The following CDH18 variants were observed in gnomAD, a reference collection of about 807,000 sequenced individuals.
The protein encoded by CDH18 is cadherin-18.
Under a neutral mutation model 67.9 loss-of-function variants are expected in CDH18, and 31 were observed. The observed-to-expected ratio is 0.46, with a 90% CI of 0.34 to 0.62. The LOEUF (loss-of-function observed/expected upper bound fraction) is 0.62, where lower values mean the gene tolerates loss of function less well. Among genes scored for constraint, CDH18 ranks in the 20% least tolerant of loss-of-function variants. CDH18 has a pLI of 0.01. For missense variants in CDH18, 890 were observed against 975.5 expected (o/e 0.91, Z 1.17); for synonymous variants, 362 against 347.2 (o/e 1.04, Z -0.48).
At chr5:20,516,546 G>A (rs1393149954) in intron 1 of CDH18, among the ~76,000 whole-genome samples, 3 of 151,862 alleles carry the variant, frequency 2.0e-5, no homozygotes, top group African/African-American at 7.2e-5. Context: ...TATAAAATAA[G>A]GAAGTTTCAG....
intron 2 of CDH18, among the ~76,000 whole-genome samples, chr5:20,025,438 A>G (rs1039562144): frequency 6.6e-6 from 1 of 152,204 alleles, no homozygotes; most frequent in Admixed American, 6.5e-5. Context: ...CAGTATTTCC[A>G]ATAATTCTAC....
chr5:20,139,319 A>G lies in CDH18; in HGVS notation c.-518+116125T>C, dbSNP rs190068832. On this transcript the variant is annotated intron_variant, in intron 2 of 14. Coordinates refer to the CDH18 transcript ENST00000507958. ...ACACCTTATATAAAAATTAATTCAA[A>G]ATGGATTAAAGACTTAAATGTTAGA... Among the ~76,000 whole-genome samples, 1,237 of 152,130 alleles carry G rather than the reference A, an allele frequency of 8.1e-3. 12 individuals are homozygous for G. The highest frequency in any genetic ancestry group is 0.014 in the Non-Finnish European group (932 of 67,962).
At chr5:20,485,861 T>C (rs114823863) in intron 1 of CDH18, among the ~76,000 whole-genome samples, 2 of 152,200 alleles carry the variant, frequency 1.3e-5, no homozygotes, top group African/African-American at 4.8e-5. Flanking sequence ...ATATATGATG[T>C]ATATGAGCAT....
chr5:20,310,918 T>C (rs1736922785), intron 1 of CDH18, among the ~76,000 whole-genome samples: 1 of 152,184 alleles, frequency 6.6e-6, no homozygotes, highest in Admixed American at 6.5e-5. Flanking sequence ...TGCAACTTTA[T>C]CTATAAATTC....
chr5:19,885,191 ACTAT>A (rs1267897903), intron 2 of CDH18, among the ~76,000 whole-genome samples: 2 of 152,132 alleles, frequency 1.3e-5, no homozygotes, highest in Non-Finnish European at 2.9e-5. Flanking sequence ...TCTATCTTTG[ACTAT>A]CTCTCTGGCT....
intron 1 of CDH18, among the ~76,000 whole-genome samples, chr5:20,520,771 G>A (rs1453020049): frequency 1.3e-5 from 2 of 152,144 alleles, no homozygotes; most frequent in Non-Finnish European, 2.9e-5. Flanking sequence ...AATTTGAGGT[G>A]CCTACTGGCA....
chr5:19,505,240 A>G (rs1254453016), intron 10 of CDH18, among the ~76,000 whole-genome samples: 1 of 152,088 alleles, frequency 6.6e-6, no homozygotes, highest in Non-Finnish European at 1.5e-5. Context: ...GGTTTTCTAG[A>G]TATACAATTA....
intron 4 of CDH18, among the ~76,000 whole-genome samples, chr5:19,726,843 G>A (rs973460929): frequency 1.3e-5 from 2 of 152,092 alleles, no homozygotes; most frequent in African/African-American, 2.4e-5. Context: ...TTTGAGGGTA[G>A]GGTTTTTGCA....
chr5:20,165,725 T>C (rs1736232156), intron 2 of CDH18, among the ~76,000 whole-genome samples: 1 of 152,196 alleles, frequency 6.6e-6, no homozygotes, highest in Admixed American at 6.6e-5. Flanking sequence ...TATTTTGTTT[T>C]ATTTATTTTT....
intron 7 of CDH18, among the ~76,000 whole-genome samples, chr5:19,590,519 CAGAT>C (rs375948507): frequency 2.0e-4 from 22 of 108,724 alleles, no homozygotes; most frequent in Middle Eastern, 5.6e-3. Flanking sequence ...GACAGACAGA[CAGAT>C]AGATAGATAG....
intron 1 of CDH18, among the ~76,000 whole-genome samples, chr5:20,450,154 A>G (rs1456854230): frequency 1.3e-5 from 2 of 152,106 alleles, no homozygotes. Flanking sequence ...CCTAGCCAAC[A>G]TAATGAAACC....
Position 20,311,805 on chromosome 5 carries a change from T to A in CDH18, c.-579-56300A>T, listed in dbSNP as rs535766746. 1.8e-4 allele frequency among the ~76,000 whole-genome samples: 28 copies of A among 152,258 alleles called. No individual in the cohort carries two copies. The South Asian group carries it at 5.8e-3, about 32-fold the overall frequency. On this transcript the variant is annotated intron_variant, in intron 1 of 14. Coordinates refer to the CDH18 transcript ENST00000507958. ...ACTTAAAGTATAATAATATAAAAAA[T>A]TATTGTATGATACTCCATTATTTTC...
At chr5:19,824,613 T>C (rs1780221330) in intron 3 of CDH18, among the ~76,000 whole-genome samples, 1 of 152,166 alleles carries the variant, frequency 6.6e-6, no homozygotes, top group Non-Finnish European at 1.5e-5. Flanking sequence ...ACCAGCACCA[T>C]ATCCCCCGTA....
chr5:19,758,689 C>A (rs938762005), intron 3 of CDH18, among the ~76,000 whole-genome samples: 1 of 152,166 alleles, frequency 6.6e-6, no homozygotes, highest in Non-Finnish European at 1.5e-5. Flanking sequence ...TAGGAGGTGC[C>A]AAATGCAGCA....
At chr5:19,870,067 A>G (rs1238165090) in intron 2 of CDH18, among the ~76,000 whole-genome samples, 2 of 152,170 alleles carry the variant, frequency 1.3e-5, no homozygotes, top group Non-Finnish European at 2.9e-5. Context: ...CCAAATGAAC[A>G]TATTATTACT....
chr5:19,799,601 A>AT (rs534676172), intron 3 of CDH18, among the ~76,000 whole-genome samples: 1 of 151,986 alleles, frequency 6.6e-6, no homozygotes, highest in Admixed American at 6.6e-5. Context: ...TCTAGGAGTA[A>AT]TTTTTTTATA....
rs565826660 is a variant in CDH18 at position 20,512,247 on chromosome 5, G to C, written c.-580+63215C>G. Among the ~76,000 whole-genome samples the C allele has an allele frequency of 7.2e-4, 109 of 151,912 alleles. 1 individual carries two copies. Among genetic ancestry groups the C allele is most frequent in the African/African-American group, 2.6e-3 (109 of 41,466 alleles). On this transcript the variant is annotated intron_variant, in intron 1 of 14. Transcript: ENST00000507958. ...CAAAAAAATAAAAAAATAAATGCTC[G>C]CTATTTTGTGTATCTATTTTTCTGA...
chr5:20,388,026 C>A (rs902484891), intron 1 of CDH18, among the ~76,000 whole-genome samples: 1 of 151,818 alleles, frequency 6.6e-6, no homozygotes, highest in African/African-American at 2.4e-5. Flanking sequence ...GTCTAAAATT[C>A]TCTTTTTTTG....
chr5:20,395,549 A>G (rs1745214794), intron 1 of CDH18, among the ~76,000 whole-genome samples: 1 of 152,220 alleles, frequency 6.6e-6, no homozygotes, highest in Non-Finnish European at 1.5e-5. Context: ...CAATTTATCC[A>G]TGTAACCAAC....
Sources: allele counts gnomAD v4.1 joint callset (sites outside exome capture counted in the v4.1 genomes callset), GRCh38; gene constraint gnomAD v4.1.1; transcripts MANE v1.5; gene names NCBI Gene and HGNC (gene_info 2026-07-23, HGNC 2026-07-21).